RNF216: variants seen among roughly 807,000 people sequenced by gnomAD.
RNF216 encodes the protein E3 ubiquitin-protein ligase RNF216.
In RNF216, 72 loss-of-function variants were observed where a neutral mutation model predicts 110.8. The observed-to-expected ratio is 0.65, with a 90% CI of 0.54 to 0.79. The LOEUF is 0.79. RNF216 is among the 30% of genes least tolerant of loss of function. The pLI is 0.00. For missense variants in RNF216, 1,342 were observed against 1,141.2 expected, an observed-to-expected ratio of 1.18 and a Z score of -2.54; for synonymous variants, 495 against 407.5, an observed-to-expected ratio of 1.21 and a Z score of -2.59.
At chr7:5,716,461 A>G (rs149005104) in intron 10 of RNF216, among the ~76,000 whole-genome samples, 108 of 152,252 alleles carry the variant, frequency 7.1e-4, no homozygotes, top group African/African-American at 2.5e-3. Flanking sequence ...ACTTTCCTTT[A>G]TGAGTGTATC....
chr7:5,656,182 T>C (rs2128580606), intron 13 of RNF216, among the ~76,000 whole-genome samples: 1 of 152,224 alleles, frequency 6.6e-6, no homozygotes. Context: ...GACAGGAGAA[T>C]TGCTTGAACC....
At chr7:5,758,997 G>A (rs370661308) in intron 2 of RNF216, among the ~76,000 whole-genome samples, 14 of 152,254 alleles carry the variant, frequency 9.2e-5, no homozygotes, top group East Asian at 7.7e-4. Flanking sequence ...TTGGAGATGC[G>A]GCCTGGTGGG....
At position 5,731,066 on chromosome 7, in the gene RNF216, G is replaced by A. The variant is rs186956536; in HGVS notation, c.1122-249C>T. ...ACTGATTAAGGCAAACTCCTCTGAA[G>A]TTTATGTATCAATTGGGTGTTAATG... On this transcript the variant is annotated intron_variant, in intron 5 of 16. Coordinates refer to ENST00000389902, the MANE Select transcript of RNF216 (RefSeq NM_207111.4). Among the ~76,000 whole-genome samples, 92 of 152,332 alleles carry A rather than the reference G, an allele frequency of 6.0e-4. No individual in the cohort carries two copies. The Middle Eastern group carries it at 0.01, about 17-fold the overall frequency.
At chr7:5,764,122 C>A (rs749402884) in intron 1 of RNF216, among the ~76,000 whole-genome samples, 88 of 150,322 alleles carry the variant, frequency 5.9e-4, no homozygotes, top group Non-Finnish European at 1.1e-3. Flanking sequence ...ACCAGGGAGG[C>A]AGAGGTTGTA....
At chr7:5,737,003 G>A (rs1351386473) in intron 5 of RNF216, among the ~76,000 whole-genome samples, 4 of 152,132 alleles carry the variant, frequency 2.6e-5, no homozygotes, top group African/African-American at 4.8e-5. Context: ...CTGCCCGGCC[G>A]CCACCCCGTC....
intron 15 of RNF216, among the ~76,000 whole-genome samples, chr7:5,626,657 G>C (rs1361585686): frequency 6.7e-6 from 1 of 150,220 alleles, no homozygotes; most frequent in Non-Finnish European, 1.5e-5. Flanking sequence ...GGGCGACAGA[G>C]TGAAACTTGT....
Position 5,680,704 on chromosome 7 carries a change from C to T in RNF216, c.2062-28194G>A, listed in dbSNP as rs914224815. On this transcript the variant is annotated intron_variant, in intron 13 of 16. Transcript: ENST00000389902. This position sits in a 1 kb window ranked among gnomAD's most constrained non-coding sequence, Gnocchi z 4.3. Reference sequence around the variant, plus strand: ...GGTGTGAGCCACCGCGCCCAGCACTCAACACTTCTACTTGGATATCTAAAA... The same window carrying T: ...GGTGTGAGCCACCGCGCCCAGCACTTAACACTTCTACTTGGATATCTAAAA... 6.6e-6 allele frequency among the ~76,000 whole-genome samples: 1 copy of T among 151,996 alleles called. No individual in the cohort carries two copies. Among genetic ancestry groups the T allele is most frequent in the African/African-American group, 2.4e-5 (1 of 41,362 alleles).
chr7:5,622,108 TG>T lies in RNF216; in HGVS notation c.*751del, dbSNP rs1786404082. 1 of 152,348 alleles carries T rather than the reference TG, an allele frequency of 6.6e-6. No individual in the cohort carries two copies. The highest frequency in any genetic ancestry group is 1.5e-5 in the Non-Finnish European group (1 of 68,124). The allele number at this position is 152,348 out of a possible 1,614,324, so 9.4% of individuals were successfully genotyped here. A position where few individuals can be genotyped will look rare whatever the true frequency, so the allele number is the denominator to read the frequency against. ...AGGGCCACCAGGCCTCTGTCCCAGC[TG>T]CCTTAAGAGGCTCTTTCAATGGGCC... On this transcript the variant is annotated 3_prime_UTR_variant, in exon 17 of 17. Coordinates refer to ENST00000389902, the MANE Select transcript of RNF216 (RefSeq NM_207111.4).
In RNF216 at chr7:5,641,330, C is replaced by A. The variant is rs1178470057; in HGVS notation, c.2206G>T (p.Gly736Trp). Residue 736 changes from glycine (G) to tryptophan (W), a missense_variant, in exon 15 of 17, where the codon GGG becomes TGG. Gly to Trp is a radical substitution (Grantham distance 184). Coordinates refer to ENST00000389902, the MANE Select transcript of RNF216 (RefSeq NM_207111.4). ...CCTTCAGATTTGATGAGGCCAGTCCCACACTTGTGGCATTTTCTAATGCGG... is the reference window on the plus strand; with the variant it reads ...CCTTCAGATTTGATGAGGCCAGTCCAACACTTGTGGCATTTTCTAATGCGG... ...AARIRKCHKCGTGLIKSEGCN... is the reference protein window; with the variant it reads ...AARIRKCHKCWTGLIKSEGCN... The A allele has an allele frequency of 1.2e-6, 2 of 1,614,072 alleles. No homozygotes were observed. The highest frequency in any genetic ancestry group is 1.7e-6 in the Non-Finnish European group (2 of 1,180,040).
chr7:5,755,370 T>G (rs546075742), intron 2 of RNF216, among the ~76,000 whole-genome samples: 1 of 152,116 alleles, frequency 6.6e-6, no homozygotes, highest in African/African-American at 2.4e-5. Flanking sequence ...AAAAAAAAAT[T>G]GAAAGAATAA....
rs76401198 is a variant in RNF216 at position 5,622,345 on chromosome 7, G to A, written c.*515C>T. The A allele has an allele frequency of 1.9e-5, 3 of 155,164 alleles. No individual in the cohort carries two copies. Among genetic ancestry groups the A allele is most frequent in the Non-Finnish European group, 4.3e-5 (3 of 70,252 alleles). 9.6% of individuals were successfully genotyped at this position (155,164 alleles called of 1,614,324 possible). A position where few individuals can be genotyped will look rare whatever the true frequency, so the allele number is the denominator to read the frequency against. ...CTGCAGTGGCGCACGGGTTTTGGAT[G>A]GGGGGACAGCATCTTGGCCCTCACA... is the stretch of plus-strand genomic sequence containing the variant. On this transcript the variant is annotated 3_prime_UTR_variant, in exon 17 of 17. Transcript: ENST00000389902.
At chr7:5,694,835 T>G (rs2128616682) in intron 13 of RNF216, among the ~76,000 whole-genome samples, 1 of 152,366 alleles carries the variant, frequency 6.6e-6, no homozygotes, top group Admixed American at 6.5e-5. Context: ...TCAAAATAGC[T>G]AAGCATTTGT....
chr7:5,659,589 T>C (rs1788971676), intron 13 of RNF216, among the ~76,000 whole-genome samples: 2 of 152,196 alleles, frequency 1.3e-5, no homozygotes, highest in Admixed American at 1.3e-4. Context: ...TGGTTGACAT[T>C]TCAAAAGATT....
At chr7:5,623,325 C>T (rs1349362650) in intron 16 of RNF216, 146 bp from the exon 17 acceptor site, 1 of 619,844 alleles carries the variant, frequency 1.6e-6, no homozygotes, top group Non-Finnish European at 2.6e-6. Context: ...CCAAATGCCA[C>T]TGCAAGAAAC....
At chr7:5,749,295 C>T (rs1442974340) in intron 3 of RNF216, among the ~76,000 whole-genome samples, 2 of 151,894 alleles carry the variant, frequency 1.3e-5, no homozygotes, top group African/African-American at 4.8e-5. Flanking sequence ...GAATTACAGG[C>T]ACGTGCCACC....
chr7:5,622,234 A>T lies in RNF216; in HGVS notation c.*626T>A, dbSNP rs553551520. ...GAGGATGAGAAAGTTAGGCGGCAAC[A>T]GAACAAAACCCCCGCCGCGAGATGG... On this transcript the variant is annotated 3_prime_UTR_variant, in exon 17 of 17. Transcript: ENST00000389902. The T allele has an allele frequency of 1.1e-4, 17 of 152,596 alleles. No homozygotes were observed. Among genetic ancestry groups the T allele is most frequent in the African/African-American group, 4.1e-4 (17 of 41,596 alleles). 9.5% of individuals were successfully genotyped at this position (152,596 alleles called of 1,614,324 possible).
chr7:5,653,556 G>A (rs1389455299), intron 13 of RNF216, among the ~76,000 whole-genome samples: 12 of 133,326 alleles, frequency 9.0e-5, no homozygotes, highest in African/African-American at 1.4e-4. Context: ...AGCCGAGATC[G>A]CGCCACTGCA....
intron 13 of RNF216, among the ~76,000 whole-genome samples, chr7:5,681,410 C>G (rs1790641975): frequency 6.6e-6 from 1 of 152,208 alleles, no homozygotes; most frequent in Non-Finnish European, 1.5e-5. Context: ...TACACAGAAA[C>G]AACTGTGGAT....
chr7:5,730,046 A>G (rs1187847163), intron 6 of RNF216, among the ~76,000 whole-genome samples: 1 of 152,226 alleles, frequency 6.6e-6, no homozygotes, highest in African/African-American at 2.4e-5. Context: ...AAGTTTTTAA[A>G]AACCAAACTG....
Sources: allele counts gnomAD v4.1 joint callset (sites outside exome capture counted in the v4.1 genomes callset), GRCh38; gene constraint gnomAD v4.1.1; non-coding constraint Gnocchi (gnomAD v3.1); transcripts MANE v1.5; gene names NCBI Gene and HGNC (gene_info 2026-07-23, HGNC 2026-07-21).